CCM2L: variants seen among roughly 807,000 people sequenced by gnomAD.
The protein encoded by CCM2L is cerebral cavernous malformations 2 protein-like.
In CCM2L, 36 loss-of-function variants were observed where a neutral mutation model predicts 54.1. The observed-to-expected ratio is 0.67, with a 90% CI of 0.51 to 0.88. CCM2L has a LOEUF of 0.88. Ranked by LOEUF, CCM2L falls within the 40% of genes least tolerant of loss-of-function variation. The probability of loss-of-function intolerance (pLI) is 0.00; values close to 1 mark genes in which losing one functional copy is unlikely to be tolerated. For synonymous variants in CCM2L, 351 were observed against 359.3 expected (o/e 0.98, Z 0.26); for missense variants, 700 against 812.1 (o/e 0.86, Z 1.68).
At chr20:32,010,601 T>A in intron 1 of CCM2L, 117 bp downstream of exon 1, 1 of 950,160 alleles carries the variant, frequency 1.1e-6, no homozygotes, top group Non-Finnish European at 1.6e-6. Context: ...GCCTTTCTTC[T>A]CATTTGGAAG....
chr20:32,010,793 C>T (rs1419394308), intron 1 of CCM2L, among the ~76,000 whole-genome samples: 1 of 152,154 alleles, frequency 6.6e-6, no homozygotes, highest in African/African-American at 2.4e-5. Flanking sequence ...CCGCAGCTCC[C>T]TCCTGCAGCC....
rs1032893948 is a variant in CCM2L at position 32,018,893 on chromosome 20, G to A, written c.467-50G>A. 8.8e-6 allele frequency: 11 copies of A among 1,251,614 alleles called. No homozygotes were observed. The Middle Eastern group carries it at 9.4e-4, about 107-fold the overall frequency. 77.5% of individuals were successfully genotyped at this position (1,251,614 alleles called of 1,614,324 possible). On this transcript the variant is annotated intron_variant, in intron 4 of 9. Transcript: ENST00000452892. ...CCAGCCGGCCTCGGCGGGGCGGGGG[G>A]GTCTCTGAGTCCCGATCCCCGCGGC...
At chr20:32,017,741 T>G in intron 2 of CCM2L, 59 bp from the exon 3 acceptor site, 1 of 1,354,776 alleles carries the variant, frequency 7.4e-7, no homozygotes, top group East Asian at 2.3e-5. Context: ...AAGGCCAGGG[T>G]TCTTCAAGGT....
Position 32,015,859 on chromosome 20 carries a change from C to CTT in CCM2L, c.198+802_198+803dup, listed in dbSNP as rs199989562. Among the ~76,000 whole-genome samples the CTT allele has an allele frequency of 2.7e-3, 346 of 127,880 alleles. 7 individuals are homozygous for CTT. Among genetic ancestry groups the CTT allele is most frequent in the South Asian group, 6.5e-3 (27 of 4,176 alleles). 83.9% of individuals were successfully genotyped at this position (127,880 alleles called of 152,430 possible). A position where few individuals can be genotyped will look rare whatever the true frequency, so the allele number is the denominator to read the frequency against. On this transcript the variant is annotated intron_variant, in intron 2 of 9. Coordinates refer to ENST00000452892, the MANE Select transcript of CCM2L (RefSeq NM_001365692.1). The stretch of plus-strand genomic sequence containing the variant: ...CTTCCACCACTTAGGAGCTGTACTT[C>CTT]TTTTTTTTTTTTTTTGAGACAGAGT...
In CCM2L at chr20:32,031,228, C is replaced by T. The variant is rs948901504; in HGVS notation, c.1630C>T (p.Leu544=). The T allele has an allele frequency of 1.5e-6, 2 of 1,299,780 alleles. No homozygotes were observed. Among genetic ancestry groups the T allele is most frequent in the Non-Finnish European group, 2.0e-6 (2 of 988,576 alleles). The allele number at this position is 1,299,780 out of a possible 1,614,324, so 80.5% of individuals were successfully genotyped here. The change falls in exon 10 of 10, where the codon CTG becomes TTG. Residue 544 remains leucine (L), a synonymous_variant. Coordinates refer to ENST00000452892, the MANE Select transcript of CCM2L (RefSeq NM_001365692.1). ...LADITHDIEA[L]APDDDDDDED... is the part of the protein sequence containing the mutation. ...TGACATCACGCACGACATCGAGGCG[C>T]TGGCCCCCGATGACGACGACGACGA...
chr20:32,028,807 G>A (rs1029578934), intron 7 of CCM2L, 188 bp from the exon 8 acceptor site: 18 of 658,594 alleles, frequency 2.7e-5, no homozygotes, highest in African/African-American at 1.6e-4. Context: ...GGTGGGGGGC[G>A]CGAAGCACAA....
intron 6 of CCM2L, among the ~76,000 whole-genome samples, chr20:32,023,558 A>G (rs1377370480): frequency 1.3e-5 from 2 of 152,220 alleles, no homozygotes; most frequent in African/African-American, 4.8e-5. Flanking sequence ...CAAGCACCGT[A>G]CCAATGTGCC....
Position 32,019,029 on chromosome 20 carries a change from G to C in CCM2L, c.553G>C (p.Glu185Gln). 7.6e-7 allele frequency: 1 copy of C among 1,323,780 alleles called. No homozygotes were observed. The highest frequency in any genetic ancestry group is 2.1e-5 in the South Asian group (1 of 48,166). The allele number at this position is 1,323,780 out of a possible 1,614,324, so 82.0% of individuals were successfully genotyped here. The change falls in exon 5 of 10, where the codon GAG becomes CAG. Residue 185 changes from glutamate (E) to glutamine (Q), a missense_variant. Coordinates refer to ENST00000452892, the MANE Select transcript of CCM2L (RefSeq NM_001365692.1). Reference sequence around the variant, plus strand: ...CCCCGGCCCGCCAGGCGGGGCGCCCGAGAAGCGGCGGGTGGGCACCGCGGA... The same window carrying C: ...CCCCGGCCCGCCAGGCGGGGCGCCCCAGAAGCGGCGGGTGGGCACCGCGGA... ...RDPGPPGGAP[E>Q]KRRVGTAERR...
At chr20:32,018,849 G>T (rs2064767492) in intron 4 of CCM2L, 94 bp from the exon 5 acceptor site, 1 of 1,212,002 alleles carries the variant, frequency 8.3e-7, no homozygotes, top group Non-Finnish European at 1.0e-6. Flanking sequence ...TGGAACCCCA[G>T]AGCCGCGAGG....
chr20:32,021,718 G>T (rs2064808743), intron 5 of CCM2L, among the ~76,000 whole-genome samples: 1 of 152,132 alleles, frequency 6.6e-6, no homozygotes, highest in Non-Finnish European at 1.5e-5. Context: ...TCCTAAGAAG[G>T]ATATAGGAGT....
intron 6 of CCM2L, among the ~76,000 whole-genome samples, chr20:32,024,625 G>A (rs1250665436): frequency 6.6e-6 from 1 of 152,156 alleles, no homozygotes; most frequent in Non-Finnish European, 1.5e-5. Flanking sequence ...TCAGGAGTTC[G>A]AGACTAGCCT....
In CCM2L at chr20:32,019,052, G is replaced by C; in HGVS notation, c.576G>C (p.Ala192=). The stretch of plus-strand genomic sequence containing the variant: ...CCGAGAAGCGGCGGGTGGGCACCGC[G>C]GAGCGGCGCCACACCATCTGCAGCC... ...GAPEKRRVGT[A]ERRHTICSLD... Residue 192 remains alanine, a synonymous_variant, in exon 5 of 10, where the codon GCG becomes GCC. Transcript: ENST00000452892. 7.7e-7 allele frequency: 1 copy of C among 1,297,152 alleles called. No individual in the cohort carries two copies. Among genetic ancestry groups the C allele is most frequent in the South Asian group, 2.3e-5 (1 of 43,532 alleles). The allele number at this position is 1,297,152 out of a possible 1,614,324, so 80.4% of individuals were successfully genotyped here.
At chr20:32,030,343 G>A (rs2064909593) in intron 9 of CCM2L, among the ~76,000 whole-genome samples, 1 of 152,234 alleles carries the variant, frequency 6.6e-6, no homozygotes, top group East Asian at 1.9e-4. Flanking sequence ...GAGTTACAAA[G>A]TAAAGGACTG....
intron 2 of CCM2L, among the ~76,000 whole-genome samples, chr20:32,015,799 G>A (rs74453175): frequency 0.042 from 6,416 of 151,596 alleles, 443 homozygotes; most frequent in African/African-American, 0.15. Context: ...GCTGTTACTC[G>A]GACAGCGTCC....
chr20:32,027,045 TA>T (rs1178447901), intron 7 of CCM2L, among the ~76,000 whole-genome samples: 2 of 152,080 alleles, frequency 1.3e-5, no homozygotes, highest in Non-Finnish European at 2.9e-5. Flanking sequence ...AACAAATAAA[TA>T]AATAAAATTT....
At chr20:32,030,449 C>G (rs2064910458) in intron 9 of CCM2L, among the ~76,000 whole-genome samples, 1 of 152,118 alleles carries the variant, frequency 6.6e-6, no homozygotes, top group African/African-American at 2.4e-5. Flanking sequence ...TCCTCACATC[C>G]CTACCCAGAG....
intron 7 of CCM2L, 50 bp downstream of exon 7, chr20:32,025,969 C>A: frequency 8.0e-7 from 1 of 1,253,906 alleles, no homozygotes; most frequent in Non-Finnish European, 1.1e-6. Flanking sequence ...TACCCCTGCA[C>A]AAACAGGGTG....
intron 4 of CCM2L, 101 bp downstream of exon 4, chr20:32,018,263 T>G (rs1468954428): frequency 2.2e-5 from 18 of 836,262 alleles, no homozygotes; most frequent in Admixed American, 1.9e-4. Context: ...GCCGGAGGTG[T>G]GCGGATGGAG....
intron 5 of CCM2L, among the ~76,000 whole-genome samples, chr20:32,020,427 ATCT>A (rs1055967731): frequency 2.6e-5 from 4 of 151,922 alleles, no homozygotes; most frequent in Non-Finnish European, 4.4e-5. Flanking sequence ...TTTGTCCTTG[ATCT>A]TCTTCTCTCC....
Sources: allele counts gnomAD v4.1 joint callset (sites outside exome capture counted in the v4.1 genomes callset), GRCh38; gene constraint gnomAD v4.1.1; transcripts MANE v1.5; gene names NCBI Gene and HGNC (gene_info 2026-07-23, HGNC 2026-07-21).